PLAGL1: variants seen among roughly 807,000 people sequenced by gnomAD.
PLAGL1 encodes zinc finger protein PLAGL1.
In PLAGL1, 1 loss-of-function variant was observed where a neutral mutation model predicts 4.6. The ratio of observed to expected loss-of-function variants is 0.22; its 90% CI spans 0.08 to 1.03. The LOEUF (loss-of-function observed/expected upper bound fraction) is 1.03, where lower values mean the gene tolerates loss of function less well. Among genes scored for constraint, PLAGL1 ranks in the 50% least tolerant of loss-of-function variants. The pLI, the probability that PLAGL1 is intolerant of heterozygous loss-of-function variation, is 0.58. For missense variants in PLAGL1, 464 were observed against 570.4 expected (o/e 0.81, Z 1.90); for synonymous variants, 240 against 237.8 (o/e 1.01, Z -0.08).
intron 1 of PLAGL1, among the ~76,000 whole-genome samples, chr6:144,042,965 GCTCT>G (rs1324605023): frequency 9.2e-5 from 14 of 152,090 alleles, no homozygotes; most frequent in Non-Finnish European, 2.1e-4. Flanking sequence ...TCATGATTTG[GCTCT>G]CTGTTTGTCT....
intron 1 of PLAGL1, among the ~76,000 whole-genome samples, chr6:144,049,896 A>T (rs1562611949): frequency 6.6e-6 from 1 of 152,166 alleles, no homozygotes; most frequent in Non-Finnish European, 1.5e-5. Flanking sequence ...GCTTCTGATC[A>T]TGAGGGAGAG....
chr6:144,062,470 C>CAAAA (rs543521128), intron 1 of PLAGL1, among the ~76,000 whole-genome samples: 35 of 75,686 alleles, frequency 4.6e-4, no homozygotes, highest in South Asian at 1.7e-3. Flanking sequence ...GTTATCAGAC[C>CAAAA]AAAAAAAAAA....
At position 144,006,171 on chromosome 6, in the gene PLAGL1, C is replaced by T. The variant is rs1794127898; in HGVS notation, c.-584+1919G>A. ...ATGGAATTTATGAAATAAAACATTA[C>T]TGATAAATTCCCTAGGTACTCCTCC... On this transcript the variant is annotated intron_variant, in intron 1 of 7. Coordinates refer to ENST00000674357, the MANE Select transcript of PLAGL1 (RefSeq NM_001317162.2). The surrounding 1 kb of genome is among the most constrained non-coding windows in gnomAD (Gnocchi z 4.3). 1 of 151,890 alleles carries T rather than the reference C, an allele frequency of 6.6e-6. No homozygotes were observed. The highest frequency in any genetic ancestry group is 2.1e-4 in the South Asian group (1 of 4,826). The allele number at this position is 151,890 out of a possible 1,614,324, so 9.4% of individuals were successfully genotyped here.
rs1785322419 is a variant in PLAGL1, at chr6:143,971,052, G to C, written c.-543-2074C>G. 6.6e-6 allele frequency among the ~76,000 whole-genome samples: 1 copy of C among 151,938 alleles called. No homozygotes were observed. The highest frequency in any genetic ancestry group is 2.1e-4 in the South Asian group (1 of 4,804). On this transcript the variant is annotated intron_variant, in intron 2 of 7. Coordinates refer to ENST00000674357, the MANE Select transcript of PLAGL1 (RefSeq NM_001317162.2). This position sits in a 1 kb window ranked among gnomAD's most constrained non-coding sequence, Gnocchi z 4.7. ...CAAAATTACTTCCAGAAACTGGGAG[G>C]GTTGAGCAGCCAAGTTATGAAATCT...
chr6:143,969,217 G>C (rs1434575453), intron 2 of PLAGL1, among the ~76,000 whole-genome samples: 1 of 152,028 alleles, frequency 6.6e-6, no homozygotes, highest in African/African-American at 2.4e-5. Flanking sequence ...ATGTGGTTAA[G>C]ACCACAGTAT....
At position 144,006,999 on chromosome 6, in the gene PLAGL1, G is replaced by T. The variant is rs1794347295; in HGVS notation, c.-584+1091C>A. 1 of 152,106 alleles carries T rather than the reference G, an allele frequency of 6.6e-6. No individual in the cohort carries two copies. The highest frequency in any genetic ancestry group is 1.5e-5 in the Non-Finnish European group (1 of 68,040). The allele number at this position is 152,106 out of a possible 1,614,324, so 9.4% of individuals were successfully genotyped here. A position where few individuals can be genotyped will look rare whatever the true frequency, so the allele number is the denominator to read the frequency against. On this transcript the variant is annotated intron_variant, in intron 1 of 7. Coordinates refer to ENST00000674357, the MANE Select transcript of PLAGL1 (RefSeq NM_001317162.2). This position sits in a 1 kb window ranked among gnomAD's most constrained non-coding sequence, Gnocchi z 4.3. ...AAATGACTTTACGACCCACTAAAAT[G>T]GACTTCAAATTCTGAAAAACATTGT...
In PLAGL1 at chr6:144,036,368, A is replaced by C. The variant is rs1278039814; in HGVS notation, c.-151+28100T>G. On this transcript the variant is annotated intron_variant, in intron 1 of 3. Transcript: ENST00000437412. This position sits in a 1 kb window ranked among gnomAD's most constrained non-coding sequence, Gnocchi z 5.1. Reference sequence around the variant, plus strand: ...AAGTGGTGCAAGTGTGCAATGCTTCAGTCTTAGTGACTGAAGACAGCCAGC... The same window carrying C: ...AAGTGGTGCAAGTGTGCAATGCTTCCGTCTTAGTGACTGAAGACAGCCAGC... Among the ~76,000 whole-genome samples the C allele has an allele frequency of 6.6e-6, 1 of 152,334 alleles. No homozygotes were observed. The highest frequency in any genetic ancestry group is 1.5e-5 in the Non-Finnish European group (1 of 68,032).
At chr6:144,049,161 T>C (rs1040016509) in intron 1 of PLAGL1, among the ~76,000 whole-genome samples, 1 of 152,254 alleles carries the variant, frequency 6.6e-6, no homozygotes, top group African/African-American at 2.4e-5. Flanking sequence ...TTTCCTTATC[T>C]TCATCTGAGA....
In PLAGL1 at chr6:143,941,366, A is replaced by C; in HGVS notation, c.*58T>G. ...AAATCTTTCTCATATTGTAACTGAC[A>C]TTTAAAATGCTTCTTAAAACATCTT... On this transcript the variant is annotated 3_prime_UTR_variant, in exon 8 of 8. Transcript: ENST00000674357. The surrounding 1 kb of genome is among the most constrained non-coding windows in gnomAD (Gnocchi z 6.0). The C allele has an allele frequency of 7.4e-7, 1 of 1,345,024 alleles. No homozygotes were observed. Among genetic ancestry groups the C allele is most frequent in the Non-Finnish European group, 1.0e-6 (1 of 995,388 alleles). The allele number at this position is 1,345,024 out of a possible 1,614,324, so 83.3% of individuals were successfully genotyped here.
chr6:144,043,529 T>A (rs1034097871), intron 1 of PLAGL1, among the ~76,000 whole-genome samples: 2 of 152,226 alleles, frequency 1.3e-5, no homozygotes, highest in Non-Finnish European at 2.9e-5. Context: ...TGAAACCAAT[T>A]TGATCTTGGT....
At chr6:143,980,881 G>A (rs1351042506) in intron 2 of PLAGL1, among the ~76,000 whole-genome samples, 2 of 152,178 alleles carry the variant, frequency 1.3e-5, no homozygotes, top group East Asian at 3.8e-4. Flanking sequence ...TTCAAACCAA[G>A]TGTCTGCAAA....
In PLAGL1 at chr6:143,954,915, A is replaced by C. The variant is rs1781799458; in HGVS notation, c.-325+5554T>G. Among the ~76,000 whole-genome samples, 1 of 152,252 alleles carries C rather than the reference A, an allele frequency of 6.6e-6. No homozygotes were observed. Among genetic ancestry groups the C allele is most frequent in the Admixed American group, 6.5e-5 (1 of 15,290 alleles). On this transcript the variant is annotated intron_variant, in intron 6 of 7. Coordinates refer to ENST00000674357, the MANE Select transcript of PLAGL1 (RefSeq NM_001317162.2). The surrounding 1 kb of genome is among the most constrained non-coding windows in gnomAD (Gnocchi z 5.1). ...GCTGCATTTCTAAATATCCACAAAC[A>C]GAAATATAGTTTAAATACCATCATA...
Position 144,050,169 on chromosome 6 carries a change from G to A in PLAGL1, c.-151+14299C>T, listed in dbSNP as rs979589036. Reference sequence around the variant, plus strand: ...ATTTATGTGTCTGGTGAGTTTTGAGGGAAATTGAGACCACCTAAGGGAACA... The same window carrying A: ...ATTTATGTGTCTGGTGAGTTTTGAGAGAAATTGAGACCACCTAAGGGAACA... On this transcript the variant is annotated intron_variant, in intron 1 of 3. Coordinates refer to the PLAGL1 transcript ENST00000437412. This position sits in a 1 kb window ranked among gnomAD's most constrained non-coding sequence, Gnocchi z 4.3. Among the ~76,000 whole-genome samples the A allele has an allele frequency of 2.0e-5, 3 of 152,028 alleles. No homozygotes were observed. Among genetic ancestry groups the A allele is most frequent in the East Asian group, 1.9e-4 (1 of 5,172 alleles).
Position 144,039,011 on chromosome 6 carries a change from T to TA in PLAGL1, c.-151+25456dup, listed in dbSNP as rs1797511001. Among the ~76,000 whole-genome samples the TA allele has an allele frequency of 6.6e-6, 1 of 152,066 alleles. No individual in the cohort carries two copies. The highest frequency in any genetic ancestry group is 1.5e-5 in the Non-Finnish European group (1 of 68,002). On this transcript the variant is annotated intron_variant, in intron 1 of 3. Transcript: ENST00000437412. This position sits in a 1 kb window ranked among gnomAD's most constrained non-coding sequence, Gnocchi z 4.1. Reference sequence around the variant, plus strand: ...GAAAACCATGCCAAGAGACACATCATAAAAATTGCTGAGAGCCAGTAATAT... The same window carrying TA: ...GAAAACCATGCCAAGAGACACATCATAAAAAATTGCTGAGAGCCAGTAATAT...
In PLAGL1 at chr6:143,961,808, C is replaced by T. The variant is rs1017071770; in HGVS notation, c.-398-1266G>A. 6.6e-6 allele frequency among the ~76,000 whole-genome samples: 1 copy of T among 152,136 alleles called. No individual in the cohort carries two copies. Among genetic ancestry groups the T allele is most frequent in the Non-Finnish European group, 1.5e-5 (1 of 68,038 alleles). Reference sequence around the variant, plus strand: ...TCTTCCGGATGATTCTTCCTTTGCACCTACCCATCTCACAAACGGACAATA... The same window carrying T: ...TCTTCCGGATGATTCTTCCTTTGCATCTACCCATCTCACAAACGGACAATA... On this transcript the variant is annotated intron_variant, in intron 5 of 7. Coordinates refer to ENST00000674357, the MANE Select transcript of PLAGL1 (RefSeq NM_001317162.2). This position sits in a 1 kb window ranked among gnomAD's most constrained non-coding sequence, Gnocchi z 6.5.
intron 1 of PLAGL1, among the ~76,000 whole-genome samples, chr6:143,991,347 A>C (rs1178254399): frequency 2.0e-5 from 3 of 152,224 alleles, no homozygotes. Context: ...TATTTCCTGG[A>C]AAACCATGTT....
intron 1 of PLAGL1, among the ~76,000 whole-genome samples, chr6:144,058,889 C>T (rs942616870): frequency 6.6e-6 from 1 of 152,164 alleles, no homozygotes; most frequent in Non-Finnish European, 1.5e-5. Flanking sequence ...AGTTGAGTGT[C>T]TGCATCTTTT....
intron 1 of PLAGL1, among the ~76,000 whole-genome samples, chr6:144,029,268 C>T (rs761062846): frequency 3.3e-5 from 5 of 151,972 alleles, no homozygotes; most frequent in Admixed American, 6.6e-5. Context: ...TGCACAAACC[C>T]CAACAGCCAC....
rs1791380375 is a variant in PLAGL1, at chr6:143,995,289, T to G, written c.-583-10115A>C. Among the ~76,000 whole-genome samples, 1 of 152,220 alleles carries G rather than the reference T, an allele frequency of 6.6e-6. No individual in the cohort carries two copies. Among genetic ancestry groups the G allele is most frequent in the African/African-American group, 2.4e-5 (1 of 41,460 alleles). ...GCTTAAACTTCAGTATTATGCAGAT[T>G]ATTTGTATGCACGTATCAAGCTACC... On this transcript the variant is annotated intron_variant, in intron 1 of 7. Transcript: ENST00000674357. The surrounding 1 kb of genome is among the most constrained non-coding windows in gnomAD (Gnocchi z 4.4).
Sources: allele counts gnomAD v4.1 joint callset (sites outside exome capture counted in the v4.1 genomes callset), GRCh38; gene constraint gnomAD v4.1.1; non-coding constraint Gnocchi (gnomAD v3.1); transcripts MANE v1.5; gene names NCBI Gene and HGNC (gene_info 2026-07-23, HGNC 2026-07-21).